Variants in GRAMD1C observed in about 807,000 individuals in gnomAD.
GRAMD1C encodes protein Aster-C.
A neutral mutation model predicts 97.8 loss-of-function variants in GRAMD1C; 89 were observed. That is an observed-to-expected ratio of 0.91 (90% CI 0.77 to 1.09). GRAMD1C has a LOEUF of 1.09. Ranked by LOEUF, GRAMD1C falls within the 50% of genes least tolerant of loss-of-function variation. GRAMD1C has a pLI of 0.00. For missense variants in GRAMD1C, 740 were observed against 766.4 expected, an observed-to-expected ratio of 0.97 and a Z score of 0.41; for synonymous variants, 256 against 267.0, an observed-to-expected ratio of 0.96 and a Z score of 0.40.
intron 2 of GRAMD1C, among the ~76,000 whole-genome samples, chr3:113,849,311 T>A (rs199567427): frequency 8.4e-6 from 1 of 118,434 alleles, no homozygotes; most frequent in African/African-American, 3.1e-5. Flanking sequence ...TTATTTATTT[T>A]TTATTGATCA....
chr3:113,835,863 A>C (rs1709623293), upstream of GRAMD1C, among the ~76,000 whole-genome samples: 1 of 152,192 alleles, frequency 6.6e-6, no homozygotes, highest in Admixed American at 6.6e-5. Flanking sequence ...TTTTATGTTT[A>C]ACAGAACACA....
chr3:113,912,839 G>A (rs1168605093), intron 9 of GRAMD1C, among the ~76,000 whole-genome samples: 10 of 152,102 alleles, frequency 6.6e-5, no homozygotes, highest in Non-Finnish European at 1.5e-4. Flanking sequence ...CAATAGGAGA[G>A]AGAAAGGGAA....
chr3:113,896,749 C>T (rs1935966071), intron 6 of GRAMD1C, among the ~76,000 whole-genome samples: 1 of 152,160 alleles, frequency 6.6e-6, no homozygotes, highest in Non-Finnish European at 1.5e-5. Context: ...GAGATTTTAG[C>T]ATCCCTCAAA....
chr3:113,834,771 TAAAAA>T (rs776577187), upstream of GRAMD1C, among the ~76,000 whole-genome samples: 1 of 119,912 alleles, frequency 8.3e-6, no homozygotes, highest in Non-Finnish European at 1.8e-5. Flanking sequence ...CTGTCTCTAC[TAAAAA>T]AAAAAAAAAA....
At chr3:113,918,096 A>G (rs1338995747) in intron 10 of GRAMD1C, among the ~76,000 whole-genome samples, 1 of 152,128 alleles carries the variant, frequency 6.6e-6, no homozygotes, top group Non-Finnish European at 1.5e-5. Context: ...AGAGTAGCAA[A>G]GAGATTGCAG....
At chr3:113,862,952 G>A (rs1250941109) in intron 2 of GRAMD1C, among the ~76,000 whole-genome samples, 3 of 152,172 alleles carry the variant, frequency 2.0e-5, no homozygotes, top group East Asian at 1.9e-4. Flanking sequence ...ATTTGGTGAG[G>A]ATGTGGAGAA....
At chr3:113,932,616 A>T (rs1466880128) in intron 11 of GRAMD1C, among the ~76,000 whole-genome samples, 23 of 152,208 alleles carry the variant, frequency 1.5e-4, no homozygotes, top group Admixed American at 1.5e-3. Context: ...TAATACACAT[A>T]AGAGATTATG....
At chr3:113,872,252 AT>A (rs1934842951) in intron 3 of GRAMD1C, among the ~76,000 whole-genome samples, 2 of 152,036 alleles carry the variant, frequency 1.3e-5, no homozygotes, top group African/African-American at 4.8e-5. Flanking sequence ...ATTTCAGAAA[AT>A]TTCTATATGT....
intron 1 of GRAMD1C, among the ~76,000 whole-genome samples, chr3:113,842,025 T>A (rs1188308716): frequency 6.6e-6 from 1 of 152,204 alleles, no homozygotes; most frequent in Non-Finnish European, 1.5e-5. Flanking sequence ...GAAAGCCAAT[T>A]TGTAAGCTCT....
In GRAMD1C at chr3:113,921,623, T is replaced by C. The variant is rs139148850; in HGVS notation, c.1090+5785T>C. Among the ~76,000 whole-genome samples the C allele has an allele frequency of 2.0e-5, 3 of 152,304 alleles. No individual in the cohort carries two copies. The East Asian group carries it at 5.8e-4, about 29-fold the overall frequency. On this transcript the variant is annotated intron_variant, in intron 10 of 17. Coordinates refer to ENST00000358160, the MANE Select transcript of GRAMD1C (RefSeq NM_017577.5). The stretch of plus-strand genomic sequence containing the variant: ...TTCTCTGCAACCTCACTAGCATCTG[T>C]TATTTTTTGACTTTTTAATAATAGC...
Position 113,915,792 on chromosome 3 carries a change from C to G in GRAMD1C, c.1044C>G (p.Thr348=). ...SADRMFELLF[T]SSRFMQKFAS... ...ACAGAATGTTTGAATTGCTCTTTAC[C>G]AGTTCACGCTTTATGCAGAAATTTG... The change falls in exon 10 of 18, where the codon ACC becomes ACG. Residue 348 remains threonine, a synonymous_variant. Coordinates refer to ENST00000358160, the MANE Select transcript of GRAMD1C (RefSeq NM_017577.5). 6.2e-7 allele frequency: 1 copy of G among 1,610,986 alleles called. No homozygotes were observed. Among genetic ancestry groups the G allele is most frequent in the Non-Finnish European group, 8.5e-7 (1 of 1,177,498 alleles).
chr3:113,892,024 T>C (rs1452997344), intron 6 of GRAMD1C, among the ~76,000 whole-genome samples: 6 of 152,102 alleles, frequency 3.9e-5, no homozygotes, highest in Admixed American at 3.9e-4. Context: ...AGATTTTTCA[T>C]TAAAGTACTA....
At chr3:113,850,501 A>G (rs1197735981) in intron 2 of GRAMD1C, 1 of 1,557,762 alleles carries the variant, frequency 6.4e-7, no homozygotes, top group Non-Finnish European at 8.8e-7. Flanking sequence ...TCATGGAGAT[A>G]CTGGATGCCC....
intron 2 of GRAMD1C, chr3:113,850,314 C>T (rs1933839467): frequency 2.8e-6 from 2 of 714,822 alleles, no homozygotes; most frequent in Non-Finnish European, 5.2e-6. Flanking sequence ...GCCCCAGCCT[C>T]GACTTTCTTG....
intron 1 of GRAMD1C, among the ~76,000 whole-genome samples, chr3:113,842,489 C>A (rs1933374536): frequency 6.6e-6 from 1 of 152,034 alleles, no homozygotes; most frequent in African/African-American, 2.4e-5. Flanking sequence ...TGTTTCCTCC[C>A]CTTCTATCCA....
intron 2 of GRAMD1C, among the ~76,000 whole-genome samples, chr3:113,858,295 C>T (rs957180943): frequency 3.3e-5 from 5 of 150,854 alleles, no homozygotes; most frequent in East Asian, 2.0e-4. Flanking sequence ...TGCAGTGGTG[C>T]GATCTCAGCT....
chr3:113,933,087 G>C (rs999429294), intron 11 of GRAMD1C, among the ~76,000 whole-genome samples: 1 of 152,002 alleles, frequency 6.6e-6, no homozygotes, highest in African/African-American at 2.4e-5. Context: ...GTTTTGCCAT[G>C]TTGGCCAGGC....
intron 13 of GRAMD1C, among the ~76,000 whole-genome samples, chr3:113,935,569 C>T (rs891726577): frequency 6.6e-6 from 1 of 151,336 alleles, no homozygotes; most frequent in African/African-American, 2.4e-5. Context: ...CATATATATA[C>T]ACAAGCATAA....
chr3:113,873,911 A>G (rs1167672592), intron 3 of GRAMD1C, among the ~76,000 whole-genome samples: 1 of 152,186 alleles, frequency 6.6e-6, no homozygotes, highest in Non-Finnish European at 1.5e-5. Context: ...TTGGAAAAAA[A>G]TTTCAGGATA....
Sources: gnomAD v4.1 joint callset for allele counts (sites outside exome capture counted in the v4.1 genomes callset) on GRCh38, gnomAD v4.1.1 for gene constraint, MANE v1.5 for transcripts, NCBI Gene and HGNC (gene_info 2026-07-23, HGNC 2026-07-21) for gene names.